Variants in OR56A3 observed in about 807,000 individuals in gnomAD.
OR56A3 encodes olfactory receptor family 56 subfamily A member 3.
In OR56A3, 23 loss-of-function variants were observed where a neutral mutation model predicts 17.5. The ratio of observed to expected loss-of-function variants is 1.32; its 90% CI spans 0.95 to 1.87. The LOEUF (loss-of-function observed/expected upper bound fraction) is 1.87, where lower values mean the gene tolerates loss of function less well. Ranked by LOEUF, OR56A3 falls within the 40% of genes most tolerant of loss-of-function variation. OR56A3 has a pLI of 0.00. For missense variants in OR56A3, 366 were observed against 380.1 expected (o/e 0.96, Z 0.31); for synonymous variants, 175 against 150.6 (o/e 1.16, Z -1.19).
chr11:5,983,027 T>A, the OR56A3 span, among the ~76,000 whole-genome samples: 2 of 152,120 alleles, frequency 1.3e-5, no homozygotes, highest in African/African-American at 4.8e-5. Context: ...GTATTCTTGA[T>A]GGTTTTGTCT....
chr11:6,012,566 C>T, the OR56A3 span, among the ~76,000 whole-genome samples: 1 of 152,170 alleles, frequency 6.6e-6, no homozygotes, highest in Non-Finnish European at 1.5e-5. Context: ...CTCCTCCCTG[C>T]AGCTGGTCAT....
At chr11:5,984,807 C>G in the OR56A3 span, among the ~76,000 whole-genome samples, 42 of 152,316 alleles carry the variant, frequency 2.8e-4, no homozygotes, top group Admixed American at 9.8e-4. Flanking sequence ...CTCTACCCCT[C>G]CTACCAATAT....
the OR56A3 span, among the ~76,000 whole-genome samples, chr11:5,960,830 C>A: frequency 1.3e-5 from 2 of 151,774 alleles, no homozygotes; most frequent in African/African-American, 4.8e-5. Context: ...CTCTGCCCGG[C>A]CGGCTGCCCA....
At chr11:6,016,532 T>TA in the OR56A3 span, among the ~76,000 whole-genome samples, 1 of 151,328 alleles carries the variant, frequency 6.6e-6, no homozygotes, top group Non-Finnish European at 1.5e-5. Flanking sequence ...AAGTGAATCT[T>TA]AAAAAAAATG....
At chr11:5,981,994 G>A in the OR56A3 span, among the ~76,000 whole-genome samples, 1 of 152,190 alleles carries the variant, frequency 6.6e-6, no homozygotes, top group East Asian at 1.9e-4. Context: ...GCCCATGGCT[G>A]TGTTCTCTGG....
At chr11:6,015,081 C>T in the OR56A3 span, among the ~76,000 whole-genome samples, 1 of 147,452 alleles carries the variant, frequency 6.8e-6, no homozygotes, top group Admixed American at 7.0e-5. Context: ...AATTTGCAGC[C>T]TGGCCATGTG....
At chr11:5,960,599 C>T in the OR56A3 span, among the ~76,000 whole-genome samples, 24 of 152,294 alleles carry the variant, frequency 1.6e-4, no homozygotes, top group Non-Finnish European at 2.4e-4. Context: ...GGCGTGATCT[C>T]GGCTCGCTAC....
Position 5,947,350 on chromosome 11 carries a change from A to G in OR56A3, c.4A>G (p.Thr2Ala). 6.3e-7 allele frequency: 1 copy of G among 1,587,064 alleles called. No individual in the cohort carries two copies. The highest frequency in any genetic ancestry group is 8.6e-7 in the Non-Finnish European group (1 of 1,164,646). Residue 2 changes from threonine (T) to alanine (A), a missense_variant, in exon 3 of 3, where the codon ACA becomes GCA. Thr to Ala is a moderately conservative substitution (Grantham distance 58). Coordinates refer to ENST00000641160, the MANE Select transcript of OR56A3 (RefSeq NM_001003443.3). Reference sequence around the variant, plus strand: ...GCAGTAAAATATATGGGAAAATATGACAACACACCGAAATGACACCCTCTC... The same window carrying G: ...GCAGTAAAATATATGGGAAAATATGGCAACACACCGAAATGACACCCTCTC... M[T>A]THRNDTLSTE...
chr11:5,983,123 C>T, the OR56A3 span, among the ~76,000 whole-genome samples: 2 of 152,126 alleles, frequency 1.3e-5, no homozygotes, highest in Non-Finnish European at 2.9e-5. Flanking sequence ...GAATACCTTA[C>T]TCTTGTTTAC....
the OR56A3 span, chr11:5,986,525 T>G: frequency 6.2e-7 from 1 of 1,613,854 alleles, no homozygotes; most frequent in Non-Finnish European, 8.5e-7. Context: ...TCCAGAGCCA[T>G]GGCCACAAGT....
At chr11:5,994,344 A>G in the OR56A3 span, 1 of 683,260 alleles carries the variant, frequency 1.5e-6, no homozygotes, top group East Asian at 3.0e-5. Flanking sequence ...GCTCTCCTCA[A>G]TCTGCTGAGA....
chr11:5,942,663 TTCAGGACCAGTGGAAG>T (rs1448769309), intron 1 of OR56A3, among the ~76,000 whole-genome samples: 1 of 152,198 alleles, frequency 6.6e-6, no homozygotes, highest in African/African-American at 2.4e-5. Context: ...AAGACCACAG[TTCAGGACCAGTGGAAG>T]TCAGGAAGTA....
At chr11:6,009,709 G>T in the OR56A3 span, among the ~76,000 whole-genome samples, 1 of 151,992 alleles carries the variant, frequency 6.6e-6, no homozygotes, top group South Asian at 2.1e-4. Flanking sequence ...TTGGGGTTTT[G>T]GATGTTAGTA....
At chr11:5,945,310 C>CA (rs1847862229) in intron 2 of OR56A3, among the ~76,000 whole-genome samples, 1 of 152,054 alleles carries the variant, frequency 6.6e-6, no homozygotes, top group Non-Finnish European at 1.5e-5. Flanking sequence ...CACGGTGGCT[C>CA]ACACCTGTAA....
chr11:6,018,689 A>C, the OR56A3 span, among the ~76,000 whole-genome samples: 2 of 152,002 alleles, frequency 1.3e-5, no homozygotes, highest in African/African-American at 4.8e-5. Context: ...AAAACAATAA[A>C]AATCAGAATA....
the OR56A3 span, among the ~76,000 whole-genome samples, chr11:5,978,638 A>C: frequency 6.8e-3 from 1,031 of 152,032 alleles, 19 homozygotes; most frequent in East Asian, 0.062. Flanking sequence ...GGTTTTCTGG[A>C]TATAGAATGG....
downstream of OR56A3, among the ~76,000 whole-genome samples, chr11:5,954,013 A>G (rs1847921176): frequency 6.6e-6 from 1 of 152,174 alleles, no homozygotes; most frequent in Admixed American, 6.5e-5. Flanking sequence ...AGCTCAAAAT[A>G]TAGTGAGAAA....
the OR56A3 span, among the ~76,000 whole-genome samples, chr11:5,970,062 A>G: frequency 1.3e-4 from 20 of 152,356 alleles, no homozygotes; most frequent in Middle Eastern, 3.4e-3. Context: ...TTGTGGAGGC[A>G]GAGATTATGG....
chr11:5,987,922 T>A, the OR56A3 span, among the ~76,000 whole-genome samples: 1 of 152,178 alleles, frequency 6.6e-6, no homozygotes, highest in South Asian at 2.1e-4. Flanking sequence ...TCTCATCATA[T>A]CACTCCTAAG....
Sources: gnomAD v4.1 joint callset for allele counts (sites outside exome capture counted in the v4.1 genomes callset) on GRCh38, gnomAD v4.1.1 for gene constraint, MANE v1.5 for transcripts, NCBI Gene and HGNC (gene_info 2026-07-23, HGNC 2026-07-21) for gene names.